The following C10orf90 variants were observed in gnomAD, a reference collection of about 807,000 sequenced individuals.
C10orf90 encodes the protein chromosome 10 open reading frame 90.
A neutral mutation model predicts 62.5 loss-of-function variants in C10orf90; 56 were observed. That is an observed-to-expected ratio of 0.90 (90% CI 0.72 to 1.12). The LOEUF (loss-of-function observed/expected upper bound fraction) is 1.12. C10orf90 is among the 50% of genes most tolerant of loss of function. The probability of loss-of-function intolerance (pLI) is 0.00; values close to 1 mark genes in which losing one functional copy is unlikely to be tolerated. For missense variants in C10orf90, 970 were observed against 880.4 expected (o/e 1.10, Z -1.29); for synonymous variants, 386 against 340.4 (o/e 1.13, Z -1.47).
intron 2 of C10orf90, among the ~76,000 whole-genome samples, chr10:126,558,484 G>A (rs76625518): frequency 0.034 from 5,168 of 152,206 alleles, 170 homozygotes; most frequent in African/African-American, 0.084. Context: ...TTCTGCAGGC[G>A]GGCTGTGCAC....
chr10:126,650,444 G>A (rs1015204640), intron 1 of C10orf90, among the ~76,000 whole-genome samples: 6 of 152,138 alleles, frequency 3.9e-5, no homozygotes, highest in Non-Finnish European at 5.9e-5. Context: ...TCACAGGATC[G>A]TCCAACAACT....
chr10:126,506,123 G>A (rs17154881), intron 3 of C10orf90, among the ~76,000 whole-genome samples: 11,645 of 152,286 alleles, frequency 0.076, 696 homozygotes, highest in East Asian at 0.29. Flanking sequence ...GGTTGTATCA[G>A]TTTTTGTCCA....
chr10:126,669,512 G>A (rs1449624992), intron 1 of C10orf90, among the ~76,000 whole-genome samples: 7 of 152,126 alleles, frequency 4.6e-5, no homozygotes, highest in Admixed American at 3.9e-4. Flanking sequence ...GAGCTATATG[G>A]GAGTCAATTA....
chr10:126,561,554 C>T (rs1290487612), intron 2 of C10orf90, among the ~76,000 whole-genome samples: 5 of 152,044 alleles, frequency 3.3e-5, no homozygotes, highest in African/African-American at 9.7e-5. Context: ...TGTGGAATTC[C>T]GATGACAAAA....
At chr10:126,449,414 G>T (rs1859020071) in intron 7 of C10orf90, among the ~76,000 whole-genome samples, 1 of 151,804 alleles carries the variant, frequency 6.6e-6, no homozygotes, top group African/African-American at 2.4e-5. Context: ...TATATAATAA[G>T]CCCACAGCTA....
intron 2 of C10orf90, among the ~76,000 whole-genome samples, chr10:126,518,890 T>A (rs762944559): frequency 5.9e-5 from 9 of 151,614 alleles, no homozygotes; most frequent in Non-Finnish European, 1.0e-4. Context: ...AGAATCCCGG[T>A]TTTCTGCCTG....
chr10:126,443,173 T>C (rs1326677067), intron 7 of C10orf90, among the ~76,000 whole-genome samples: 1 of 151,852 alleles, frequency 6.6e-6, no homozygotes, highest in Admixed American at 6.6e-5. Context: ...AAAGCAGAAC[T>C]AAATGAGATT....
chr10:126,585,214 GA>G (rs1390740230), intron 2 of C10orf90, among the ~76,000 whole-genome samples: 6 of 150,118 alleles, frequency 4.0e-5, no homozygotes, highest in African/African-American at 1.5e-4. Context: ...AGGAAAGCAG[GA>G]AAAAAATGGA....
At chr10:126,560,856 T>C (rs1359288276) in intron 2 of C10orf90, among the ~76,000 whole-genome samples, 1 of 152,228 alleles carries the variant, frequency 6.6e-6, no homozygotes, top group Non-Finnish European at 1.5e-5. Flanking sequence ...GTGGATTTTG[T>C]ATAATTTTTG....
At position 126,468,119 on chromosome 10, in the gene C10orf90, G is replaced by A. The variant is rs531166148; in HGVS notation, c.1535-3133C>T. On this transcript the variant is annotated intron_variant, in intron 4 of 9. Transcript: ENST00000488181. The stretch of plus-strand genomic sequence containing the variant: ...TGACAGAGTCTCGTTCTGTCACCAT[G>A]TTGGAGTGGCACTATCTTGGCTCAC... Among the ~76,000 whole-genome samples the A allele has an allele frequency of 4.7e-5, 7 of 148,542 alleles. No individual in the cohort carries two copies. The South Asian group carries it at 1.5e-3, about 32-fold the overall frequency.
At chr10:126,464,587 G>C (rs766480091) in intron 5 of C10orf90, 109 bp downstream of exon 5, 4 of 1,214,744 alleles carry the variant, frequency 3.3e-6, no homozygotes, top group Non-Finnish European at 4.6e-6. Context: ...AGAAGGGGAG[G>C]TTTCATCAGG....
At chr10:126,532,667 C>A (rs1377634625) in intron 2 of C10orf90, among the ~76,000 whole-genome samples, 1 of 150,660 alleles carries the variant, frequency 6.6e-6, no homozygotes, top group Admixed American at 6.6e-5. Flanking sequence ...GAAACCCCGT[C>A]TCTACTAAAA....
In C10orf90 at chr10:126,610,939, CT is replaced by C. The variant is rs528003333; in HGVS notation, c.313+35625del. 5.7e-4 allele frequency among the ~76,000 whole-genome samples: 86 copies of C among 152,126 alleles called. 1 individual carries two copies. Among genetic ancestry groups the C allele is most frequent in the Admixed American group, 4.0e-3 (61 of 15,258 alleles). ...GAGTCTCTATATTCTATTTTTCTTT[CT>C]TTTTTTGTCTTTTATTTATGTTTTT... On this transcript the variant is annotated intron_variant, in intron 2 of 9. Transcript: ENST00000488181.
intron 4 of C10orf90, among the ~76,000 whole-genome samples, chr10:126,495,376 C>A (rs1283916081): frequency 1.3e-5 from 2 of 152,158 alleles, no homozygotes; most frequent in East Asian, 3.9e-4. Context: ...TGGTTAAGAA[C>A]ATCTTTTTCA....
intron 1 of C10orf90, among the ~76,000 whole-genome samples, chr10:126,665,472 C>T (rs201744885): frequency 2.0e-5 from 3 of 152,276 alleles, no homozygotes; most frequent in East Asian, 3.9e-4. Context: ...CAAGACTGAA[C>T]GGTGTACTCC....
intron 2 of C10orf90, among the ~76,000 whole-genome samples, chr10:126,579,393 A>T (rs1281706151): frequency 1.3e-5 from 2 of 151,148 alleles, no homozygotes; most frequent in Non-Finnish European, 2.9e-5. Flanking sequence ...GGCACCCACC[A>T]CCATGCCCAG....
intron 2 of C10orf90, among the ~76,000 whole-genome samples, chr10:126,614,547 G>C (rs566803161): frequency 6.6e-6 from 1 of 152,128 alleles, no homozygotes; most frequent in Non-Finnish European, 1.5e-5. Flanking sequence ...GGTGCCATGT[G>C]GGGGTGGATG....
At chr10:126,461,964 AC>A (rs1274079491) in intron 5 of C10orf90, among the ~76,000 whole-genome samples, 1 of 152,166 alleles carries the variant, frequency 6.6e-6, no homozygotes, top group Non-Finnish European at 1.5e-5. Flanking sequence ...CCCAGCACTT[AC>A]TACACTGATG....
chr10:126,515,676 G>T (rs1175559015), intron 2 of C10orf90, among the ~76,000 whole-genome samples: 7 of 152,152 alleles, frequency 4.6e-5, no homozygotes, highest in African/African-American at 1.7e-4. Context: ...AGCACTGCTT[G>T]ACTGTAACTG....
Sources: allele counts gnomAD v4.1 joint callset (sites outside exome capture counted in the v4.1 genomes callset), GRCh38; gene constraint gnomAD v4.1.1; transcripts MANE v1.5; gene names NCBI Gene and HGNC (gene_info 2026-07-23, HGNC 2026-07-21).